NAV1: variants seen among roughly 807,000 people sequenced by gnomAD.
NAV1 encodes the protein pore membrane and/or filament interacting like protein 3.
Under a neutral mutation model 175.2 loss-of-function variants are expected in NAV1, and 18 were observed. That is an observed-to-expected ratio of 0.10 (90% CI 0.07 to 0.15). The LOEUF (loss-of-function observed/expected upper bound fraction) is 0.15, where lower values mean the gene tolerates loss of function less well. Ranked by LOEUF, NAV1 falls within the 10% of genes least tolerant of loss-of-function variation. The pLI, the probability that NAV1 is intolerant of heterozygous loss-of-function variation, is 1.00. For synonymous variants in NAV1, 897 were observed against 978.7 expected (o/e 0.92, Z 1.56); for missense variants, 1,731 against 2,436.6 (o/e 0.71, Z 6.10).
At chr1:201,734,623 G>C (rs558708558) in intron 3 of NAV1, among the ~76,000 whole-genome samples, 1 of 152,212 alleles carries the variant, frequency 6.6e-6, no homozygotes, top group African/African-American at 2.4e-5. Context: ...AGAACCACTG[G>C]AGTGCAGTGG....
intron 7 of NAV1, 147 bp downstream of exon 11, chr1:201,783,999 A>G (rs1163704364): frequency 4.4e-6 from 3 of 677,758 alleles, no homozygotes; most frequent in Non-Finnish European, 7.2e-6. Context: ...GCTTCACAAC[A>G]ACTCCATGAG....
intron 1 of NAV1, among the ~76,000 whole-genome samples, chr1:201,696,029 C>T (rs538423812): frequency 2.0e-5 from 3 of 152,340 alleles, no homozygotes; most frequent in South Asian, 2.1e-4. Context: ...TCCTGGGCAT[C>T]GGAAGAAGCG....
chr1:201,597,487 C>G (rs1040695889), intron 2 of NAV1, among the ~76,000 whole-genome samples: 1 of 152,252 alleles, frequency 6.6e-6, no homozygotes, highest in East Asian at 1.9e-4. Context: ...CACATAATCT[C>G]CTAACATGCC....
intron 1 of NAV1, among the ~76,000 whole-genome samples, chr1:201,579,146 AT>A (rs1666776186): frequency 6.6e-6 from 1 of 151,874 alleles, no homozygotes; most frequent in Non-Finnish European, 1.5e-5. Context: ...AAAAAAAAAA[AT>A]GTTCTGTCTT....
chr1:201,819,972 T>C, exon 30 of NAV1: 2 of 1,581,412 alleles, frequency 1.3e-6, no homozygotes, highest in Non-Finnish European at 1.7e-6. Context: ...AGCAGAACGC[T>C]GGCATCAGCT....
chr1:201,703,695 C>T (rs1260817793), intron 1 of NAV1, among the ~76,000 whole-genome samples: 1 of 152,254 alleles, frequency 6.6e-6, no homozygotes, highest in Non-Finnish European at 1.5e-5. Flanking sequence ...CCAAAGGCTG[C>T]ACTTTTGCAC....
chr1:201,749,862 C>T (rs1037687009), intron 3 of NAV1, among the ~76,000 whole-genome samples: 35 of 152,042 alleles, frequency 2.3e-4, no homozygotes, highest in African/African-American at 8.0e-4. Context: ...CATGTTCACG[C>T]CACTGCACTC....
chr1:201,809,706 C>G (rs759196821), intron 22 of NAV1, among the ~76,000 whole-genome samples, 169 bp downstream of exon 26: 16 of 152,202 alleles, frequency 1.1e-4, no homozygotes, highest in Non-Finnish European at 1.3e-4. Context: ...GTCGCAGCCT[C>G]CTGAGTAGCT....
intron 2 of NAV1, among the ~76,000 whole-genome samples, chr1:201,593,998 A>G (rs1667281083): frequency 6.6e-6 from 1 of 151,880 alleles, no homozygotes; most frequent in South Asian, 2.1e-4. Context: ...GGCTGAATGT[A>G]GCAAGCCATC....
At chr1:201,777,969 GA>G (rs1394862026) in intron 3 of NAV1, among the ~76,000 whole-genome samples, 1 of 152,034 alleles carries the variant, frequency 6.6e-6, no homozygotes, top group Non-Finnish European at 1.5e-5. Flanking sequence ...AAGAAAGAAA[GA>G]AACTATGCTC....
In NAV1 at chr1:201,785,443, G is replaced by T. The variant is rs913395127; in HGVS notation, c.2846+92G>T. 8 of 1,325,438 alleles carry T rather than the reference G, an allele frequency of 6.0e-6. No individual in the cohort carries two copies. The African/African-American group carries it at 1.2e-4, about 20-fold the overall frequency. 82.1% of individuals were successfully genotyped at this position (1,325,438 alleles called of 1,614,324 possible). On this transcript the variant is annotated intron_variant, in intron 8 of 29. Transcript: ENST00000367296. Reference sequence around the variant, plus strand: ...TCAACCTGTCCAAGGCTCCAGTCATGAATTTAGTCACCCTTTTAGCTGAAT... The same window carrying T: ...TCAACCTGTCCAAGGCTCCAGTCATTAATTTAGTCACCCTTTTAGCTGAAT...
At chr1:201,579,389 T>A (rs1369027094) in intron 1 of NAV1, among the ~76,000 whole-genome samples, 1 of 152,190 alleles carries the variant, frequency 6.6e-6, no homozygotes, top group Non-Finnish European at 1.5e-5. Context: ...AGAGTCTTAC[T>A]CTATCACCCA....
intron 1 of NAV1, among the ~76,000 whole-genome samples, chr1:201,623,836 C>T (rs545008015): frequency 1.8e-4 from 27 of 152,280 alleles, no homozygotes; most frequent in African/African-American, 6.3e-4. Flanking sequence ...TGATCTTTCT[C>T]GACTGTGGGG....
exon 30 of NAV1, chr1:201,825,341 A>C (rs1313157058): frequency 6.6e-6 from 1 of 152,090 alleles, no homozygotes; most frequent in African/African-American, 2.4e-5. Flanking sequence ...AAAAAAAAAA[A>C]AAATCTAATT....
At chr1:201,606,406 A>G (rs973309254) in intron 2 of NAV1, among the ~76,000 whole-genome samples, 2 of 152,102 alleles carry the variant, frequency 1.3e-5, no homozygotes, top group Non-Finnish European at 2.9e-5. Context: ...CAACCATGCT[A>G]TTTTGCTGGC....
intron 1 of NAV1, among the ~76,000 whole-genome samples, chr1:201,587,958 G>T (rs1391316296): frequency 1.3e-5 from 2 of 152,216 alleles, no homozygotes; most frequent in Non-Finnish European, 2.9e-5. Context: ...CTCAGAGATT[G>T]TTAGTGGAAA....
At chr1:201,736,463 C>T (rs1347522313) in intron 3 of NAV1, among the ~76,000 whole-genome samples, 1 of 152,186 alleles carries the variant, frequency 6.6e-6, no homozygotes, top group East Asian at 1.9e-4. Flanking sequence ...ACAAGGAGAG[C>T]CTCCCATAAA....
Position 201,725,409 on chromosome 1 carries a change from G to A in NAV1, c.1226+6654G>A, listed in dbSNP as rs1004752303. Among the ~76,000 whole-genome samples the A allele has an allele frequency of 2.0e-5, 3 of 152,188 alleles. No individual in the cohort carries two copies. In the East Asian group the frequency reaches 5.8e-4, roughly 29 times the overall value. ...ATCCTCGGGAGGACCCAACATTCAA[G>A]TTCAGGAAGGAAACTCAGTTTCTCT... On this transcript the variant is annotated intron_variant, in intron 3 of 29. Transcript: ENST00000367296.
At chr1:201,719,108 A>G (rs550428658) in intron 3 of NAV1, among the ~76,000 whole-genome samples, 8 of 151,400 alleles carry the variant, frequency 5.3e-5, no homozygotes, top group African/African-American at 7.3e-5. Context: ...CCCAGCTCTT[A>G]TGCGAACTCT....
Sources: gnomAD v4.1 joint callset for allele counts (sites outside exome capture counted in the v4.1 genomes callset) on GRCh38, gnomAD v4.1.1 for gene constraint, MANE v1.5 for transcripts, NCBI Gene and HGNC (gene_info 2026-07-23, HGNC 2026-07-21) for gene names.